NT5C2: variants seen among roughly 807,000 people sequenced by gnomAD.
The protein encoded by NT5C2 is 5'-nucleotidase, cytosolic II.
In NT5C2, 58 loss-of-function variants were observed where a neutral mutation model predicts 76.1. The observed-to-expected ratio is 0.76, with a 90% CI of 0.62 to 0.95. NT5C2 has a LOEUF of 0.95. Among genes scored for constraint, NT5C2 ranks in the 40% least tolerant of loss-of-function variants. The pLI is 0.00. For synonymous variants in NT5C2, 229 were observed against 237.4 expected, an observed-to-expected ratio of 0.96 and a Z score of 0.32; for missense variants, 478 against 690.3, an observed-to-expected ratio of 0.69 and a Z score of 3.45.
chr10:103,146,897 C>T (rs2081564555), intron 3 of NT5C2, among the ~76,000 whole-genome samples: 1 of 152,216 alleles, frequency 6.6e-6, no homozygotes, highest in South Asian at 2.1e-4. Context: ...GCATGGTCCA[C>T]AGGCCAATGC....
rs185507588 is a variant in NT5C2, at chr10:103,127,744, G to A, written c.175+11662C>T. 7.5e-4 allele frequency among the ~76,000 whole-genome samples: 114 copies of A among 152,328 alleles called. 1 individual carries two copies. Among genetic ancestry groups the A allele is most frequent in the African/African-American group, 2.7e-3 (111 of 41,572 alleles). On this transcript the variant is annotated intron_variant, in intron 4 of 18. Transcript: ENST00000404739. ...TTTTGAAAAATTAGAAGTTTAGAGAGACGGGGTTTCACTGTGTTGGCCAGG... is the reference window on the plus strand; with the variant it reads ...TTTTGAAAAATTAGAAGTTTAGAGAAACGGGGTTTCACTGTGTTGGCCAGG...
At chr10:103,136,435 TA>T (rs1259255521) in intron 4 of NT5C2, among the ~76,000 whole-genome samples, 4 of 152,202 alleles carry the variant, frequency 2.6e-5, no homozygotes, top group African/African-American at 9.6e-5. Context: ...ATAATCTATG[TA>T]ATAAAGCACT....
intron 2 of NT5C2, among the ~76,000 whole-genome samples, chr10:103,179,377 G>A (rs2090668299): frequency 6.6e-6 from 1 of 152,100 alleles, no homozygotes; most frequent in South Asian, 2.1e-4. Context: ...AATACTGTAG[G>A]TAGGAAAACC....
intron 4 of NT5C2, among the ~76,000 whole-genome samples, chr10:103,108,359 C>T (rs1389775913): frequency 6.6e-6 from 1 of 152,112 alleles, no homozygotes; most frequent in African/African-American, 2.4e-5. Context: ...AATAATGCAA[C>T]TATTATTATT....
At chr10:103,192,363 G>A (rs1008579233) in intron 1 of NT5C2, among the ~76,000 whole-genome samples, 4 of 152,170 alleles carry the variant, frequency 2.6e-5, no homozygotes, top group Non-Finnish European at 5.9e-5. Context: ...AGGCCCTAAA[G>A]GTGAAAGCCC....
intron 4 of NT5C2, chr10:103,125,106 T>A (rs2076421074): frequency 2.2e-6 from 1 of 451,720 alleles, no homozygotes; most frequent in Non-Finnish European, 4.1e-6. Context: ...GTTAGTACAA[T>A]GAAACCAAAC....
chr10:103,182,225 C>G (rs149634736), intron 1 of NT5C2, among the ~76,000 whole-genome samples: 1 of 152,052 alleles, frequency 6.6e-6, no homozygotes, highest in African/African-American at 2.4e-5. Context: ...GTGTTTAACA[C>G]ATGGCAATTT....
chr10:103,158,068 T>A (rs1193776517), intron 3 of NT5C2, among the ~76,000 whole-genome samples: 2 of 147,988 alleles, frequency 1.4e-5, no homozygotes, highest in South Asian at 2.1e-4. Flanking sequence ...CGAGACTCCA[T>A]CTCAAAAAGA....
chr10:103,181,399 C>T (rs1030343233), intron 1 of NT5C2, 71 bp from the exon 2 acceptor site: 2 of 151,852 alleles, frequency 1.3e-5, no homozygotes, highest in Non-Finnish European at 2.9e-5. Flanking sequence ...ACTACCATCA[C>T]CCTCCCCCAA....
chr10:103,131,397 A>T (rs149479805), intron 4 of NT5C2, among the ~76,000 whole-genome samples: 1 of 152,320 alleles, frequency 6.6e-6, no homozygotes, highest in Admixed American at 6.5e-5. Flanking sequence ...ATAATCATCA[A>T]TGTGATGGTG....
At chr10:103,173,312 A>G (rs914339081) in intron 3 of NT5C2, among the ~76,000 whole-genome samples, 1 of 152,234 alleles carries the variant, frequency 6.6e-6, no homozygotes, top group Middle Eastern at 3.4e-3. Context: ...TTTGTGGTAA[A>G]TATCAATTAA....
chr10:103,118,544 C>T (rs535616990), intron 4 of NT5C2, among the ~76,000 whole-genome samples: 6 of 151,860 alleles, frequency 4.0e-5, no homozygotes, highest in East Asian at 3.9e-4. Context: ...TGTAGAGATG[C>T]GGTTTTGTTA....
At chr10:103,135,767 G>A (rs935704281) in intron 4 of NT5C2, among the ~76,000 whole-genome samples, 1 of 150,744 alleles carries the variant, frequency 6.6e-6, no homozygotes, top group Non-Finnish European at 1.5e-5. Flanking sequence ...CAGGCTGAGT[G>A]ACACAGCAAG....
At chr10:103,096,101 G>T (rs2068088565) in intron 11 of NT5C2, 121 bp from the exon 12 acceptor site, 1 of 657,320 alleles carries the variant, frequency 1.5e-6, no homozygotes, top group Non-Finnish European at 2.6e-6. Context: ...CCACATTCTT[G>T]TTTCCTCTAA....
intron 1 of NT5C2, among the ~76,000 whole-genome samples, chr10:103,187,690 T>C (rs1178137989): frequency 6.6e-6 from 1 of 151,024 alleles, no homozygotes; most frequent in African/African-American, 2.4e-5. Context: ...GTTTGAGCTA[T>C]TTCAATCTAC....
intron 3 of NT5C2, among the ~76,000 whole-genome samples, chr10:103,145,573 G>C (rs2081333007): frequency 6.6e-6 from 1 of 152,102 alleles, no homozygotes; most frequent in Non-Finnish European, 1.5e-5. Flanking sequence ...TCAAGAGCTT[G>C]AACATATCGG....
chr10:103,162,798 TTTTA>T (rs1049196052), intron 3 of NT5C2, among the ~76,000 whole-genome samples: 7 of 152,220 alleles, frequency 4.6e-5, no homozygotes, highest in Admixed American at 1.3e-4. Context: ...ATTACTATTA[TTTTA>T]TTATTACTAA....
chr10:103,090,028 C>G, intron 18 of NT5C2, 120 bp from the exon 19 acceptor site: 1 of 694,686 alleles, frequency 1.4e-6, no homozygotes, highest in Non-Finnish European at 2.3e-6. Flanking sequence ...GACCACAGGA[C>G]AAGTCAATAT....
chr10:103,173,369 G>A (rs1295941919), intron 3 of NT5C2, among the ~76,000 whole-genome samples: 1 of 151,768 alleles, frequency 6.6e-6, no homozygotes, highest in Non-Finnish European at 1.5e-5. Context: ...TGTAATCCCA[G>A]CACTTTGGGA....
Sources: gnomAD v4.1 joint callset for allele counts (sites outside exome capture counted in the v4.1 genomes callset) on GRCh38, gnomAD v4.1.1 for gene constraint, MANE v1.5 for transcripts, NCBI Gene and HGNC (gene_info 2026-07-23, HGNC 2026-07-21) for gene names.